Variants in GABRA2 observed in about 807,000 individuals in gnomAD.
GABRA2 encodes the protein gamma-aminobutyric acid receptor subunit alpha-2.
In GABRA2, 16 loss-of-function variants were observed where a neutral mutation model predicts 48.7. That is an observed-to-expected ratio of 0.33 (90% CI 0.22 to 0.50). GABRA2 has a LOEUF of 0.50. GABRA2 is among the 20% of genes least tolerant of loss of function. GABRA2 has a pLI of 0.98. For synonymous variants in GABRA2, 185 were observed against 184.5 expected, an observed-to-expected ratio of 1.00 and a Z score of -0.02; for missense variants, 275 against 535.6, an observed-to-expected ratio of 0.51 and a Z score of 4.80.
chr4:46,253,238 C>A lies in GABRA2; in HGVS notation c.1060-2634G>T, dbSNP rs531117267. Among the ~76,000 whole-genome samples the A allele has an allele frequency of 2.0e-5, 3 of 151,408 alleles. No homozygotes were observed. In the South Asian group the frequency reaches 6.2e-4, roughly 31 times the overall value. On this transcript the variant is annotated intron_variant, in intron 9 of 9. Transcript: ENST00000381620. The stretch of plus-strand genomic sequence containing the variant: ...ACTAATTTTAACCAATATTTTCTTG[C>A]CCCTCACTTGAATACCCTTCAGTTG...
chr4:46,356,266 T>C (rs532564022), intron 3 of GABRA2, among the ~76,000 whole-genome samples: 2 of 152,308 alleles, frequency 1.3e-5, no homozygotes, highest in South Asian at 4.1e-4. Flanking sequence ...CCTTTAATTT[T>C]ATCCTTTTGT....
At chr4:46,255,189 A>G (rs544510139) in intron 9 of GABRA2, among the ~76,000 whole-genome samples, 1 of 151,806 alleles carries the variant, frequency 6.6e-6, no homozygotes, top group Admixed American at 6.6e-5. Flanking sequence ...TTCCTGGCTC[A>G]GAGCAGGCTC....
intron 3 of GABRA2, among the ~76,000 whole-genome samples, chr4:46,358,821 A>G (rs1435010642): frequency 2.0e-5 from 3 of 152,180 alleles, no homozygotes; most frequent in Non-Finnish European, 4.4e-5. Context: ...CTTTTGCACT[A>G]ACTTGGCTAC....
intron 3 of GABRA2, among the ~76,000 whole-genome samples, chr4:46,371,769 TAA>T (rs1210276420): frequency 1.3e-5 from 2 of 152,166 alleles, no homozygotes; most frequent in African/African-American, 2.4e-5. Flanking sequence ...CTGCTAAAAA[TAA>T]AGTTTACCAC....
Position 46,389,990 on chromosome 4 carries a change from C to T in GABRA2, c.-266G>A, listed in dbSNP as rs1287348580. 2.4e-5 allele frequency: 23 copies of T among 967,510 alleles called. No homozygotes were observed. The highest frequency in any genetic ancestry group is 2.5e-5 in the Non-Finnish European group (21 of 826,744). The allele number at this position is 967,510 out of a possible 1,614,324, so 59.9% of individuals were successfully genotyped here. On this transcript the variant is annotated 5_prime_UTR_variant, in exon 1 of 10. Transcript: ENST00000381620. ...AGGCGTTCGTAGTGGCGGTGATGGG[C>T]GGAGGAGGAGGAAGAGGAGGAGGAG...
chr4:46,327,862 G>A (rs1248549273), intron 4 of GABRA2, among the ~76,000 whole-genome samples: 1 of 152,034 alleles, frequency 6.6e-6, no homozygotes, highest in Non-Finnish European at 1.5e-5. Flanking sequence ...TTACTTCAAA[G>A]TTTTCACTGT....
intron 4 of GABRA2, among the ~76,000 whole-genome samples, chr4:46,318,875 G>A (rs977486695): frequency 6.6e-6 from 1 of 151,642 alleles, no homozygotes; most frequent in Admixed American, 6.6e-5. Flanking sequence ...ACACTGAAGA[G>A]TTGAAAAATC....
intron 8 of GABRA2, among the ~76,000 whole-genome samples, chr4:46,285,220 C>T (rs924489987): frequency 1.3e-5 from 2 of 152,004 alleles, no homozygotes; most frequent in African/African-American, 4.8e-5. Context: ...CAAAATAACT[C>T]ATAGAATACT....
chr4:46,293,854 A>C (rs992283398), intron 8 of GABRA2, among the ~76,000 whole-genome samples: 15 of 152,298 alleles, frequency 9.8e-5, no homozygotes, highest in African/African-American at 3.6e-4. Context: ...CAAGTCTCCT[A>C]TTTGGCCTGT....
chr4:46,298,758 G>C (rs1465978997), intron 8 of GABRA2, among the ~76,000 whole-genome samples: 1 of 151,876 alleles, frequency 6.6e-6, no homozygotes, highest in Non-Finnish European at 1.5e-5. Flanking sequence ...GAGAACAATG[G>C]AAGGGGAGCT....
intron 4 of GABRA2, among the ~76,000 whole-genome samples, chr4:46,314,531 G>A (rs1728216234): frequency 1.3e-5 from 2 of 151,934 alleles, no homozygotes; most frequent in African/African-American, 4.8e-5. Flanking sequence ...GGGCATATGT[G>A]CAGGTTTGTT....
rs1411755120 is a variant in GABRA2 at position 46,330,591 on chromosome 4, T to TATATAGAGAGAGAGAGAG, written c.255+2023_255+2024insCTCTCTCTCTCTCTATAT. ...ATATATATATATATATATATATATA[T>TATATAGAGAGAGAGAGAG]AGAGAGAGAGAGAGAGAGATGTTTT... On this transcript the variant is annotated intron_variant, in intron 4 of 9. Transcript: ENST00000381620. Among the ~76,000 whole-genome samples, 370 of 122,598 alleles carry TATATAGAGAGAGAGAGAG rather than the reference T, an allele frequency of 3.0e-3. 1 individual carries two copies. The highest frequency in any genetic ancestry group is 0.01 in the East Asian group (34 of 3,242). The allele number at this position is 122,598 out of a possible 152,430, so 80.4% of individuals were successfully genotyped here.
At chr4:46,320,968 A>G (rs1410393016) in intron 4 of GABRA2, among the ~76,000 whole-genome samples, 1 of 152,018 alleles carries the variant, frequency 6.6e-6, no homozygotes, top group Non-Finnish European at 1.5e-5. Flanking sequence ...CAATATACAA[A>G]AACAATCTAA....
rs1371692275 is a variant in GABRA2 at position 46,247,278 on chromosome 4, A to C, written c.*3030T>G. On this transcript the variant is annotated 3_prime_UTR_variant, in exon 10 of 10. Transcript: ENST00000381620. ...AACACATGGGAACATGAACAGGAGA[A>C]AAGAGAAAAACAGCCACCTATCCTA... is the stretch of plus-strand genomic sequence containing the variant. Among the ~76,000 whole-genome samples, 1 of 151,252 alleles carries C rather than the reference A, an allele frequency of 6.6e-6. No homozygotes were observed. The highest frequency in any genetic ancestry group is 1.5e-5 in the Non-Finnish European group (1 of 67,486).
intron 8 of GABRA2, among the ~76,000 whole-genome samples, chr4:46,283,165 C>A (rs1018134097): frequency 6.6e-6 from 1 of 152,132 alleles, no homozygotes; most frequent in Non-Finnish European, 1.5e-5. Flanking sequence ...ATAACGATTT[C>A]TCAGATTCTC....
chr4:46,318,271 T>C, intron 4 of GABRA2, among the ~76,000 whole-genome samples: 1 of 151,454 alleles, frequency 6.6e-6, no homozygotes, highest in African/African-American at 2.4e-5. Context: ...TAAATATTTA[T>C]TTTTAAATGT....
At chr4:46,305,510 T>G in intron 7 of GABRA2, 58 bp downstream of exon 7, 1 of 1,495,030 alleles carries the variant, frequency 6.7e-7, no homozygotes, top group Non-Finnish European at 9.2e-7. Context: ...CACTTCCAAG[T>G]CCTTTAACCT....
At position 46,331,009 on chromosome 4, in the gene GABRA2, A is replaced by C. The variant is rs530324504; in HGVS notation, c.255+1606T>G. ...TTGGAATGCACACTCTTGCTAAAAC[A>C]CATTGTCTCTGTCATCATTATAAGG... is the stretch of plus-strand genomic sequence containing the variant. On this transcript the variant is annotated intron_variant, in intron 4 of 9. Transcript: ENST00000381620. Among the ~76,000 whole-genome samples, 12 of 152,274 alleles carry C rather than the reference A, an allele frequency of 7.9e-5. 1 individual carries two copies. Among genetic ancestry groups the C allele is most frequent in the African/African-American group, 2.4e-4 (10 of 41,576 alleles).
At chr4:46,297,970 C>T (rs942738801) in intron 8 of GABRA2, among the ~76,000 whole-genome samples, 4 of 151,998 alleles carry the variant, frequency 2.6e-5, no homozygotes, top group Admixed American at 2.6e-4. Flanking sequence ...TATAATTTCC[C>T]ATGTGATTTA....
Sources: gnomAD v4.1 joint callset for allele counts (sites outside exome capture counted in the v4.1 genomes callset) on GRCh38, gnomAD v4.1.1 for gene constraint, MANE v1.5 for transcripts, NCBI Gene and HGNC (gene_info 2026-07-23, HGNC 2026-07-21) for gene names.